The following UBE2D1 variants were observed in gnomAD, a reference collection of about 807,000 sequenced individuals.
The protein encoded by UBE2D1 is ubiquitin-conjugating enzyme E2 D1.
A neutral mutation model predicts 24.6 loss-of-function variants in UBE2D1; 9 were observed. The observed-to-expected ratio is 0.37, with a 90% confidence interval of 0.22 to 0.64. UBE2D1 has a LOEUF of 0.64. Among genes scored for constraint, UBE2D1 ranks in the 30% least tolerant of loss-of-function variants. The pLI, the probability that UBE2D1 is intolerant of heterozygous loss-of-function variation, is 0.64. For synonymous variants in UBE2D1, 57 were observed against 57.6 expected (o/e 0.99, Z 0.04); for missense variants, 87 against 177.1 (o/e 0.49, Z 2.89).
intron 1 of UBE2D1, among the ~76,000 whole-genome samples, chr10:58,350,027 A>G (rs967404580): frequency 1.3e-5 from 2 of 152,064 alleles, no homozygotes; most frequent in Non-Finnish European, 2.9e-5. Context: ...TGTTCGTTCT[A>G]CTGTTGGTGG....
intron 1 of UBE2D1, among the ~76,000 whole-genome samples, chr10:58,345,697 G>C (rs547803136): frequency 8.0e-4 from 122 of 152,256 alleles, no homozygotes; most frequent in African/African-American, 2.8e-3. Context: ...GATGGGAGAG[G>C]CCAAATTTAT....
At chr10:58,363,368 T>C (rs1840221421) in intron 3 of UBE2D1, among the ~76,000 whole-genome samples, 1 of 152,194 alleles carries the variant, frequency 6.6e-6, no homozygotes, top group Non-Finnish European at 1.5e-5. Flanking sequence ...TTTTAAATTT[T>C]ATGATGTCGG....
chr10:58,335,224 A>G lies in UBE2D1; in HGVS notation c.23A>G (p.Lys8Arg). The change falls in exon 1 of 7, where the codon AAA becomes AGA. Residue 8 changes from lysine to arginine, a missense_variant and splice_region_variant. Coordinates refer to ENST00000373910, the MANE Select transcript of UBE2D1 (RefSeq NM_003338.5). MALKRIQ[K>R]ELSDLQRDPP... ...CCCATGGCGCTGAAGAGGATTCAGA[A>G]AGTGAGTGCCGGGGCCGGGCCTGGG... 1 of 1,544,546 alleles carries G rather than the reference A, an allele frequency of 6.5e-7. No homozygotes were observed. Among genetic ancestry groups the G allele is most frequent in the Non-Finnish European group, 8.7e-7 (1 of 1,147,834 alleles).
At chr10:58,354,910 T>C (rs1029549771) in intron 1 of UBE2D1, among the ~76,000 whole-genome samples, 7 of 152,138 alleles carry the variant, frequency 4.6e-5, no homozygotes, top group Admixed American at 2.6e-4. Flanking sequence ...ACAAATCCAC[T>C]GCATTAACAT....
At chr10:58,348,002 GTCACATATTATTGCTTTCT>G (rs1174752523) in intron 1 of UBE2D1, among the ~76,000 whole-genome samples, 1 of 152,142 alleles carries the variant, frequency 6.6e-6, no homozygotes, top group Non-Finnish European at 1.5e-5. Context: ...ATGTGGCAAA[GTCACATATTATTGCTTTCT>G]TCATCTTCCT....
intron 1 of UBE2D1, among the ~76,000 whole-genome samples, chr10:58,351,234 T>C (rs1255074662): frequency 1.3e-5 from 2 of 152,222 alleles, no homozygotes; most frequent in African/African-American, 4.8e-5. Flanking sequence ...TCTTCAATAA[T>C]AAATTAAACT....
At chr10:58,348,893 G>A (rs1840043607) in intron 1 of UBE2D1, among the ~76,000 whole-genome samples, 1 of 152,082 alleles carries the variant, frequency 6.6e-6, no homozygotes, top group South Asian at 2.1e-4. Context: ...TTTGAATTAG[G>A]CTGCCTCATC....
rs1388199726 is a variant in UBE2D1, at chr10:58,368,842, C to T, written c.*77C>T. The T allele has an allele frequency of 5.5e-6, 5 of 904,324 alleles. No individual in the cohort carries two copies. The highest frequency in any genetic ancestry group is 6.6e-6 in the Non-Finnish European group (4 of 604,354). 56.0% of individuals were successfully genotyped at this position (904,324 alleles called of 1,614,324 possible). On this transcript the variant is annotated 3_prime_UTR_variant, in exon 7 of 7. Transcript: ENST00000373910. The stretch of plus-strand genomic sequence containing the variant: ...TTCAACATTAGCAGTAAATTGAGCA[C>T]TGTTTACTGTTTCATTGTACCATGA...
chr10:58,360,443 T>C (rs527827292), intron 1 of UBE2D1, among the ~76,000 whole-genome samples: 3 of 146,044 alleles, frequency 2.1e-5, no homozygotes, highest in Non-Finnish European at 4.5e-5. Context: ...AAAAAAAAAA[T>C]CCAAAAAAGA....
chr10:58,340,616 G>C (rs1475596759), intron 1 of UBE2D1, among the ~76,000 whole-genome samples: 1 of 152,004 alleles, frequency 6.6e-6, no homozygotes, highest in Non-Finnish European at 1.5e-5. Flanking sequence ...TTATTTCCTT[G>C]TCTTAATCTT....
chr10:58,341,540 A>G (rs886788719), intron 1 of UBE2D1, among the ~76,000 whole-genome samples: 2 of 152,294 alleles, frequency 1.3e-5, no homozygotes, highest in Middle Eastern at 3.4e-3. Flanking sequence ...GACAGTTAAA[A>G]AGTTCTGAGA....
At chr10:58,354,671 T>TA (rs937574963) in intron 1 of UBE2D1, among the ~76,000 whole-genome samples, 1 of 151,802 alleles carries the variant, frequency 6.6e-6, no homozygotes, top group Non-Finnish European at 1.5e-5. Context: ...CCTTTTCTAC[T>TA]AAAAAATACA....
intron 1 of UBE2D1, among the ~76,000 whole-genome samples, chr10:58,346,886 G>C (rs888362961): frequency 5.3e-5 from 8 of 152,174 alleles, no homozygotes; most frequent in Admixed American, 2.6e-4. Context: ...AGTGTTAGCA[G>C]AGGACATTGA....
intron 1 of UBE2D1, among the ~76,000 whole-genome samples, chr10:58,357,935 G>C (rs947802772): frequency 1.3e-5 from 2 of 152,104 alleles, no homozygotes; most frequent in African/African-American, 4.8e-5. Flanking sequence ...GCCTTTTCAG[G>C]TGTGTGTTAG....
intron 1 of UBE2D1, among the ~76,000 whole-genome samples, chr10:58,352,706 TTG>T (rs1276620101): frequency 1.3e-5 from 2 of 152,216 alleles, no homozygotes; most frequent in East Asian, 3.8e-4. Context: ...GAGGCAATCC[TTG>T]TGACTTTTCA....
intron 1 of UBE2D1, among the ~76,000 whole-genome samples, chr10:58,353,412 G>C (rs1447213067): frequency 2.0e-5 from 3 of 152,140 alleles, no homozygotes; most frequent in Non-Finnish European, 4.4e-5. Flanking sequence ...ATTGCCAGTG[G>C]TTAGAAGACG....
intron 1 of UBE2D1, among the ~76,000 whole-genome samples, chr10:58,360,431 G>GGA (rs1554830304): frequency 1.4e-5 from 2 of 146,512 alleles, no homozygotes; most frequent in African/African-American, 5.0e-5. Context: ...TCTGTTAGAG[G>GGA]AAAAAAAAAA....
intron 1 of UBE2D1, among the ~76,000 whole-genome samples, chr10:58,360,238 A>T (rs942066853): frequency 2.6e-5 from 4 of 152,156 alleles, no homozygotes; most frequent in Non-Finnish European, 5.9e-5. Flanking sequence ...TTCAGCTTAA[A>T]TGTCACTTCC....
intron 1 of UBE2D1, among the ~76,000 whole-genome samples, chr10:58,358,779 T>C (rs534235075): frequency 6.6e-6 from 1 of 151,486 alleles, no homozygotes; most frequent in East Asian, 1.9e-4. Flanking sequence ...TTTTTTTTTT[T>C]AAATGCGGTC....
Sources: gnomAD v4.1 joint callset for allele counts (sites outside exome capture counted in the v4.1 genomes callset) on GRCh38, gnomAD v4.1.1 for gene constraint, MANE v1.5 for transcripts, NCBI Gene and HGNC (gene_info 2026-07-23, HGNC 2026-07-21) for gene names.